Variants in GPR55 observed in about 807,000 individuals in gnomAD.
GPR55 encodes G protein-coupled receptor 55.
Under a neutral mutation model 7.9 loss-of-function variants are expected in GPR55, and 6 were observed. The ratio of observed to expected loss-of-function variants is 0.76; its 90% CI spans 0.41 to 1.49. The LOEUF is 1.49. Ranked by LOEUF, GPR55 falls within the 40% of genes most tolerant of loss-of-function variation. GPR55 has a pLI of 0.01. For missense variants in GPR55, 376 were observed against 406.0 expected (o/e 0.93, Z 0.63); for synonymous variants, 183 against 166.8 (o/e 1.10, Z -0.75).
In GPR55 at chr2:230,942,775, G is replaced by A. The variant is rs536052389; in HGVS notation, c.-135+18000C>T. On this transcript the variant is annotated intron_variant, in intron 1 of 1. Coordinates refer to the GPR55 transcript ENST00000392039. The stretch of plus-strand genomic sequence containing the variant: ...ATGGGGAGGGTGGGCACCAGACCCA[G>A]AAGAAGGAACCCCCCACTCTCCACC... Among the ~76,000 whole-genome samples, 720 of 152,168 alleles carry A rather than the reference G, an allele frequency of 4.7e-3. 2 individuals carry two copies. Among genetic ancestry groups the A allele is most frequent in the Middle Eastern group, 0.024 (7 of 292 alleles).
chr2:230,956,189 G>C (rs1364517536), intron 1 of GPR55, among the ~76,000 whole-genome samples: 2 of 151,910 alleles, frequency 1.3e-5, no homozygotes, highest in East Asian at 1.9e-4. Context: ...ATTTGAGATA[G>C]AGTCTCACTC....
chr2:230,917,388 A>C (rs1690740779), intron 1 of GPR55, among the ~76,000 whole-genome samples: 1 of 152,080 alleles, frequency 6.6e-6, no homozygotes, highest in African/African-American at 2.4e-5. Context: ...TTTTTTTCTC[A>C]AGCAGCCAAA....
At chr2:230,951,659 T>A (rs1392040822) in intron 1 of GPR55, among the ~76,000 whole-genome samples, 1 of 152,118 alleles carries the variant, frequency 6.6e-6, no homozygotes, top group Non-Finnish European at 1.5e-5. Flanking sequence ...CAACTTAGAG[T>A]TGGCTGGGAT....
chr2:230,947,240 T>C (rs1202099990), intron 1 of GPR55, among the ~76,000 whole-genome samples: 1 of 152,200 alleles, frequency 6.6e-6, no homozygotes, highest in Non-Finnish European at 1.5e-5. Context: ...TTGTTGGTTA[T>C]GGGGCGATCT....
At position 230,910,355 on chromosome 2, in the gene GPR55, C is replaced by T; in HGVS notation, c.608G>A (p.Arg203Lys). The change falls in exon 2 of 2, where the codon AGG becomes AAG. Residue 203 changes from arginine (R) to lysine (K), a missense_variant. Arg to Lys is a conservative substitution (Grantham distance 26). Coordinates refer to ENST00000650999, the MANE Select transcript of GPR55 (RefSeq NM_005683.4). This position sits in a 1 kb window ranked among gnomAD's most constrained non-coding sequence, Gnocchi z 5.4. Reference sequence around the variant, plus strand: ...GCGGCCCAGCAGGATGTGGATGCTCCTGGAGCAGCAGAAGCCCATGATGCC... The same window carrying T: ...GCGGCCCAGCAGGATGTGGATGCTCTTGGAGCAGCAGAAGCCCATGATGCC... Reference protein sequence around the residue: ...PMGIMGFCCSRSIHILLGRRD... With the variant: ...PMGIMGFCCSKSIHILLGRRD... 6.2e-7 allele frequency: 1 copy of T among 1,614,078 alleles called. No homozygotes were observed. The highest frequency in any genetic ancestry group is 1.3e-5 in the African/African-American group (1 of 74,984).
At chr2:230,949,620 G>A (rs748185486) in intron 1 of GPR55, among the ~76,000 whole-genome samples, 7 of 152,148 alleles carry the variant, frequency 4.6e-5, no homozygotes, top group Non-Finnish European at 8.8e-5. Context: ...GATCCACAAG[G>A]TCAAAACTAT....
intron 1 of GPR55, among the ~76,000 whole-genome samples, chr2:230,914,921 TC>T (rs771158490): frequency 3.7e-4 from 57 of 152,176 alleles, no homozygotes; most frequent in Non-Finnish European, 6.2e-4. Context: ...GGGTGAGCCT[TC>T]AGACCACCTG....
intron 1 of GPR55, among the ~76,000 whole-genome samples, chr2:230,943,417 T>C (rs1691265453): frequency 6.6e-6 from 1 of 152,154 alleles, no homozygotes; most frequent in Non-Finnish European, 1.5e-5. Flanking sequence ...GCCCTGGGCA[T>C]GGGTGCTAAG....
intron 1 of GPR55, among the ~76,000 whole-genome samples, chr2:230,937,817 C>T (rs1691156968): frequency 6.6e-6 from 1 of 152,032 alleles, no homozygotes; most frequent in Non-Finnish European, 1.5e-5. Flanking sequence ...GCTGCCACAA[C>T]CACCAAACAG....
At chr2:230,956,952 T>C (rs1416372973) in intron 1 of GPR55, among the ~76,000 whole-genome samples, 3 of 150,868 alleles carry the variant, frequency 2.0e-5, no homozygotes, top group Non-Finnish European at 2.9e-5. Context: ...AAGATCCCCC[T>C]GTGGATGCCT....
chr2:230,933,820 G>A (rs1370289120), intron 1 of GPR55, among the ~76,000 whole-genome samples: 1 of 152,180 alleles, frequency 6.6e-6, no homozygotes, highest in Non-Finnish European at 1.5e-5. Flanking sequence ...ACAGCAGCGG[G>A]ATGAAGCTCT....
At position 230,944,576 on chromosome 2, in the gene GPR55, G is replaced by A. The variant is rs546196493; in HGVS notation, c.-135+16199C>T. On this transcript the variant is annotated intron_variant, in intron 1 of 1. Transcript: ENST00000392039. The surrounding 1 kb of genome is among the most constrained non-coding windows in gnomAD (Gnocchi z 4.2). ...GAATGCCGTGTCTCTGGGAGCCCCC[G>A]GAGAATGACTCAACAGTGACGTCCT... 5.3e-5 allele frequency among the ~76,000 whole-genome samples: 8 copies of A among 152,236 alleles called. No individual in the cohort carries two copies. The highest frequency in any genetic ancestry group is 3.9e-4 in the East Asian group (2 of 5,182).
chr2:230,930,944 G>A (rs1691029075), intron 1 of GPR55, among the ~76,000 whole-genome samples: 1 of 152,046 alleles, frequency 6.6e-6, no homozygotes, highest in African/African-American at 2.4e-5. Context: ...AGTATATATT[G>A]GGGTGGAAGG....
intron 1 of GPR55, among the ~76,000 whole-genome samples, chr2:230,913,498 T>C (rs1690639831): frequency 6.6e-6 from 1 of 152,242 alleles, no homozygotes. Context: ...AAAGATTCTA[T>C]GGTTTCCAAT....
At chr2:230,927,271 C>T (rs1172469071), upstream of GPR55, among the ~76,000 whole-genome samples, 1 of 152,160 alleles carries the variant, frequency 6.6e-6, no homozygotes, top group Non-Finnish European at 1.5e-5. Flanking sequence ...AGCTGCTCTG[C>T]AGTAGAAGGC....
intron 1 of GPR55, among the ~76,000 whole-genome samples, chr2:230,943,483 C>T (rs1453680985): frequency 1.3e-5 from 2 of 152,206 alleles, no homozygotes; most frequent in Non-Finnish European, 2.9e-5. Context: ...TGTTTGTCTC[C>T]GGGCATCCCC....
intron 1 of GPR55, among the ~76,000 whole-genome samples, chr2:230,922,714 T>TA (rs1690866050): frequency 6.6e-6 from 1 of 152,130 alleles, no homozygotes; most frequent in Non-Finnish European, 1.5e-5. Context: ...TAGATGGGAT[T>TA]ACAGGCATGT....
chr2:230,938,112 A>C (rs1482324798), intron 1 of GPR55, among the ~76,000 whole-genome samples: 1 of 139,742 alleles, frequency 7.2e-6, no homozygotes, highest in Non-Finnish European at 1.5e-5. Context: ...GCACCACTGT[A>C]CTCCAGCCTG....
At chr2:230,941,283 C>T (rs113394372) in intron 1 of GPR55, among the ~76,000 whole-genome samples, 3,707 of 152,180 alleles carry the variant, frequency 0.024, 139 homozygotes, top group African/African-American at 0.085. Flanking sequence ...TGGTGGCCAG[C>T]GCAGCTGCCC....
Sources: allele counts gnomAD v4.1 joint callset (sites outside exome capture counted in the v4.1 genomes callset), GRCh38; gene constraint gnomAD v4.1.1; non-coding constraint Gnocchi (gnomAD v3.1); transcripts MANE v1.5; gene names NCBI Gene and HGNC (gene_info 2026-07-23, HGNC 2026-07-21).